RNGTT: variants seen among roughly 807,000 people sequenced by gnomAD.
The protein encoded by RNGTT is mRNA-capping enzyme.
A neutral mutation model predicts 79.3 loss-of-function variants in RNGTT; 33 were observed. The ratio of observed to expected loss-of-function variants is 0.42; its 90% CI spans 0.32 to 0.56. RNGTT has a LOEUF of 0.56. Among genes scored for constraint, RNGTT ranks in the 20% least tolerant of loss-of-function variants. The probability of loss-of-function intolerance (pLI) is 0.17; values close to 1 mark genes in which losing one functional copy is unlikely to be tolerated. For synonymous variants in RNGTT, 222 were observed against 235.9 expected (o/e 0.94, Z 0.54); for missense variants, 497 against 739.1 (o/e 0.67, Z 3.80).
chr6:88,848,990 G>A (rs1022816777), intron 10 of RNGTT, among the ~76,000 whole-genome samples: 2 of 151,982 alleles, frequency 1.3e-5, no homozygotes, highest in African/African-American at 4.8e-5. Context: ...GCTAAGAAGT[G>A]AGAGTAAGCC....
intron 1 of RNGTT, among the ~76,000 whole-genome samples, chr6:88,951,983 A>G (rs1457966819): frequency 6.6e-6 from 1 of 152,174 alleles, no homozygotes; most frequent in Non-Finnish European, 1.5e-5. Context: ...CCCAGTGGGC[A>G]GACAGGGAGG....
In RNGTT at chr6:88,612,449, T is replaced by C. The variant is rs888740510; in HGVS notation, c.*270A>G. 1 of 302,086 alleles carries C rather than the reference T, an allele frequency of 3.3e-6. No individual in the cohort carries two copies. Among genetic ancestry groups the C allele is most frequent in the East Asian group, 6.5e-5 (1 of 15,322 alleles). The allele number at this position is 302,086 out of a possible 1,614,324, so 18.7% of individuals were successfully genotyped here. A position where few individuals can be genotyped will look rare whatever the true frequency, so the allele number is the denominator to read the frequency against. The stretch of plus-strand genomic sequence containing the variant: ...ATTGATTTCCATCTTGTTTAAACCT[T>C]TGGATATTTCAATCTTCAGATTCCA... On this transcript the variant is annotated 3_prime_UTR_variant, in exon 16 of 16. Transcript: ENST00000369485.
chr6:88,629,291 C>T (rs1393397593), intron 14 of RNGTT, among the ~76,000 whole-genome samples: 1 of 152,144 alleles, frequency 6.6e-6, no homozygotes, highest in Non-Finnish European at 1.5e-5. Flanking sequence ...TTAAAACAGT[C>T]TTTTCCGTTC....
intron 13 of RNGTT, among the ~76,000 whole-genome samples, chr6:88,706,924 C>T (rs6932225): frequency 0.079 from 12,047 of 151,776 alleles, 1,663 homozygotes; most frequent in African/African-American, 0.28. Context: ...AATCCTTCAT[C>T]AAACGACGAA....
At chr6:88,644,324 G>C (rs1773446520) in intron 14 of RNGTT, among the ~76,000 whole-genome samples, 1 of 152,056 alleles carries the variant, frequency 6.6e-6, no homozygotes, top group Non-Finnish European at 1.5e-5. Context: ...TCTCTGAATA[G>C]ACCAATAACA....
At chr6:88,810,391 C>T (rs865944423) in intron 11 of RNGTT, among the ~76,000 whole-genome samples, 3 of 152,070 alleles carry the variant, frequency 2.0e-5, no homozygotes, top group Non-Finnish European at 4.4e-5. Context: ...AATGAATTTC[C>T]AAATTTCAAA....
chr6:88,673,032 T>C (rs893980467), intron 14 of RNGTT, among the ~76,000 whole-genome samples: 4 of 152,232 alleles, frequency 2.6e-5, no homozygotes, highest in Non-Finnish European at 4.4e-5. Context: ...TCTTTTTGTG[T>C]TCTTTCTTTT....
At chr6:88,758,343 G>A (rs9344856) in intron 13 of RNGTT, among the ~76,000 whole-genome samples, 4,562 of 152,078 alleles carry the variant, frequency 0.03, 80 homozygotes, top group East Asian at 0.051. Flanking sequence ...TCCAGTGCCC[G>A]GTACACAGAA....
At chr6:88,647,701 T>TAAAAAAAAAAAAAGAAAAAAAAAAAA (rs1773624142) in intron 14 of RNGTT, among the ~76,000 whole-genome samples, 1 of 100,868 alleles carries the variant, frequency 9.9e-6, no homozygotes, top group African/African-American at 5.1e-5. Context: ...GACACCCTGT[T>TAAAAAAAAAAAAAGAAAAAAAAAAAA]AAAAAAAAAA....
At chr6:88,857,518 A>C (rs560286719) in intron 8 of RNGTT, among the ~76,000 whole-genome samples, 15 of 152,202 alleles carry the variant, frequency 9.9e-5, no homozygotes, top group South Asian at 4.1e-4. Flanking sequence ...AGTTCATCAT[A>C]ATATTTTATA....
intron 13 of RNGTT, among the ~76,000 whole-genome samples, chr6:88,691,718 T>C (rs1775489552): frequency 6.6e-6 from 1 of 152,226 alleles, no homozygotes; most frequent in Admixed American, 6.5e-5. Flanking sequence ...TATTTATGTT[T>C]TATGAACTTC....
chr6:88,950,816 A>G (rs1179650174), intron 1 of RNGTT, among the ~76,000 whole-genome samples: 1 of 151,906 alleles, frequency 6.6e-6, no homozygotes, highest in Non-Finnish European at 1.5e-5. Context: ...TGGAGGACAC[A>G]GTGAGATACT....
chr6:88,648,502 T>C (rs1773666819), intron 14 of RNGTT, among the ~76,000 whole-genome samples: 1 of 147,754 alleles, frequency 6.8e-6, no homozygotes. Context: ...AATAAAAAAT[T>C]CTAACACCAA....
intron 1 of RNGTT, among the ~76,000 whole-genome samples, chr6:88,943,702 T>C (rs181144673): frequency 2.0e-5 from 3 of 152,300 alleles, no homozygotes; most frequent in Non-Finnish European, 2.9e-5. Flanking sequence ...TCAGACTTTC[T>C]CTCCCTCTTA....
intron 11 of RNGTT, among the ~76,000 whole-genome samples, chr6:88,834,735 T>C (rs540004155): frequency 1.0e-3 from 153 of 152,306 alleles, no homozygotes; most frequent in Non-Finnish European, 1.7e-3. Flanking sequence ...CTTATGGTTT[T>C]ATGAACTACT....
At chr6:88,833,550 C>T (rs995931702) in intron 11 of RNGTT, among the ~76,000 whole-genome samples, 6 of 152,168 alleles carry the variant, frequency 3.9e-5, no homozygotes, top group African/African-American at 1.4e-4. Context: ...ACATGTTCTG[C>T]ACATGTATCC....
chr6:88,923,741 T>C (rs1369783359), intron 4 of RNGTT, among the ~76,000 whole-genome samples: 2 of 152,176 alleles, frequency 1.3e-5, no homozygotes, highest in Non-Finnish European at 2.9e-5. Flanking sequence ...TCATAAAACA[T>C]AGCATTATGT....
At chr6:88,767,207 T>C (rs1489569716) in intron 13 of RNGTT, among the ~76,000 whole-genome samples, 3 of 152,062 alleles carry the variant, frequency 2.0e-5, no homozygotes, top group Non-Finnish European at 2.9e-5. Context: ...TATCTGAAAA[T>C]CACCTTAGAG....
chr6:88,773,979 A>C (rs1246757434), intron 12 of RNGTT, among the ~76,000 whole-genome samples: 1 of 152,152 alleles, frequency 6.6e-6, no homozygotes, highest in Non-Finnish European at 1.5e-5. Flanking sequence ...AAAATTAAAA[A>C]CCTTTGTGCA....
Sources: gnomAD v4.1 joint callset for allele counts (sites outside exome capture counted in the v4.1 genomes callset) on GRCh38, gnomAD v4.1.1 for gene constraint, MANE v1.5 for transcripts, NCBI Gene and HGNC (gene_info 2026-07-23, HGNC 2026-07-21) for gene names.